The following TLE4 variants were observed in gnomAD, a reference collection of about 807,000 sequenced individuals.
TLE4 encodes TLE family member 4, transcriptional corepressor.
In TLE4, 8 loss-of-function variants were observed where a neutral mutation model predicts 92.8. The observed-to-expected ratio is 0.09, with a 90% confidence interval of 0.05 to 0.16. The LOEUF (loss-of-function observed/expected upper bound fraction) is 0.16, where lower values mean the gene tolerates loss of function less well. Ranked by LOEUF, TLE4 falls within the 10% of genes least tolerant of loss-of-function variation. The pLI, the probability that TLE4 is intolerant of heterozygous loss-of-function variation, is 1.00. For synonymous variants in TLE4, 371 were observed against 374.1 expected (o/e 0.99, Z 0.10); for missense variants, 675 against 997.6 (o/e 0.68, Z 4.36).
At chr9:79,721,385 A>C (rs909433046) in intron 16 of TLE4, among the ~76,000 whole-genome samples, 7 of 152,218 alleles carry the variant, frequency 4.6e-5, no homozygotes, top group African/African-American at 1.7e-4. Flanking sequence ...TCTCTCCCTC[A>C]TACCACAGTA....
At chr9:79,636,548 G>A (rs1247121888) in intron 6 of TLE4, among the ~76,000 whole-genome samples, 1 of 152,112 alleles carries the variant, frequency 6.6e-6, no homozygotes, top group Non-Finnish European at 1.5e-5. Flanking sequence ...CAGCTTCTCT[G>A]TCCTCTGGAT....
In TLE4 at chr9:79,685,690, G is replaced by A. The variant is rs573653325; in HGVS notation, c.610-19093G>A. On this transcript the variant is annotated intron_variant, in intron 8 of 19. Transcript: ENST00000376552. Reference sequence around the variant, plus strand: ...AAAATATCTAAAGATAACTCATTTGGATTGAACAGAAGGTCATATGTCTGA... The same window carrying A: ...AAAATATCTAAAGATAACTCATTTGAATTGAACAGAAGGTCATATGTCTGA... Among the ~76,000 whole-genome samples the A allele has an allele frequency of 7.9e-5, 12 of 152,272 alleles. 2 individuals are homozygous for A. The South Asian group carries it at 2.5e-3, about 32-fold the overall frequency.
At chr9:79,692,754 G>A (rs1398213112) in intron 8 of TLE4, among the ~76,000 whole-genome samples, 1 of 152,106 alleles carries the variant, frequency 6.6e-6, no homozygotes, top group Non-Finnish European at 1.5e-5. Context: ...AGCTTCTCTA[G>A]GCCTATTTTA....
chr9:79,632,649 A>C (rs2133723071), intron 6 of TLE4, among the ~76,000 whole-genome samples: 1 of 152,298 alleles, frequency 6.6e-6, no homozygotes, highest in Non-Finnish European at 1.5e-5. Flanking sequence ...GTTATTTTTT[A>C]AATAAATATT....
intron 6 of TLE4, among the ~76,000 whole-genome samples, chr9:79,640,948 TAG>T (rs1290667553): frequency 6.6e-6 from 1 of 151,944 alleles, no homozygotes; most frequent in Non-Finnish European, 1.5e-5. Context: ...TACTAAGAAA[TAG>T]ATTCACTTGT....
intron 8 of TLE4, among the ~76,000 whole-genome samples, chr9:79,678,318 A>G (rs1172593376): frequency 6.6e-6 from 1 of 152,136 alleles, no homozygotes; most frequent in Non-Finnish European, 1.5e-5. Context: ...ATCTATGTAC[A>G]TTGTATTTGA....
intron 14 of TLE4, among the ~76,000 whole-genome samples, chr9:79,717,844 G>A (rs2074851012): frequency 6.6e-6 from 1 of 152,098 alleles, no homozygotes; most frequent in African/African-American, 2.4e-5. Context: ...CCCCAAGATA[G>A]GCCCAGCTGC....
intron 8 of TLE4, among the ~76,000 whole-genome samples, chr9:79,682,217 C>T (rs905437007): frequency 3.9e-5 from 6 of 152,126 alleles, no homozygotes; most frequent in Middle Eastern, 6.8e-3. Flanking sequence ...CCAGAAAGCT[C>T]TGAAAACTGA....
intron 5 of TLE4, among the ~76,000 whole-genome samples, chr9:79,613,667 T>G (rs1191809135): frequency 6.6e-6 from 1 of 152,202 alleles, no homozygotes. Flanking sequence ...TCAGTTGTTC[T>G]ATAAGTGTGT....
intron 8 of TLE4, among the ~76,000 whole-genome samples, chr9:79,678,650 T>G (rs1007918993): frequency 6.6e-6 from 1 of 151,982 alleles, no homozygotes; most frequent in East Asian, 1.9e-4. Context: ...ACTTTAAGTT[T>G]TAGGGTACAT....
intron 4 of TLE4, among the ~76,000 whole-genome samples, chr9:79,602,240 C>CTCT (rs2045828032): frequency 6.6e-6 from 1 of 152,308 alleles, no homozygotes; most frequent in South Asian, 2.1e-4. Flanking sequence ...AGCAAGTTAT[C>CTCT]TAGAAGATCT....
rs367721925 is a variant in TLE4, at chr9:79,694,351, A to G, written c.610-10432A>G. Among the ~76,000 whole-genome samples, 17 of 152,102 alleles carry G rather than the reference A, an allele frequency of 1.1e-4. 1 individual carries two copies. The East Asian group carries it at 1.4e-3, about 12-fold the overall frequency. On this transcript the variant is annotated intron_variant, in intron 8 of 19. Coordinates refer to ENST00000376552, the MANE Select transcript of TLE4 (RefSeq NM_007005.6). ...ATCATAACTGGACTTACCTTTCAACATTTTAGCACTGGTTAGTGGAGTGCT... is the reference window on the plus strand; with the variant it reads ...ATCATAACTGGACTTACCTTTCAACGTTTTAGCACTGGTTAGTGGAGTGCT...
chr9:79,699,779 A>G (rs2069264506), intron 8 of TLE4, among the ~76,000 whole-genome samples: 1 of 152,222 alleles, frequency 6.6e-6, no homozygotes, highest in Non-Finnish European at 1.5e-5. Context: ...TGTGCATTTG[A>G]AATCAAATTA....
intron 4 of TLE4, among the ~76,000 whole-genome samples, chr9:79,606,953 C>CTGTCCTCCACAA (rs2047155331): frequency 6.6e-6 from 1 of 152,196 alleles, no homozygotes; most frequent in Non-Finnish European, 1.5e-5. Context: ...ACTCGCCACA[C>CTGTCCTCCACAA]TGTCCTCCAC....
intron 4 of TLE4, among the ~76,000 whole-genome samples, chr9:79,606,199 T>G (rs1204383375): frequency 3.3e-5 from 3 of 89,994 alleles, no homozygotes; most frequent in African/African-American, 9.8e-5. Flanking sequence ...TTTTTTTTTT[T>G]TTTTTTTTTT....
At chr9:79,691,450 G>A (rs531568993) in intron 8 of TLE4, among the ~76,000 whole-genome samples, 1 of 152,218 alleles carries the variant, frequency 6.6e-6, no homozygotes, top group East Asian at 1.9e-4. Flanking sequence ...TGTGATTCGA[G>A]CCTCCTCTCT....
rs565086776 is a variant in TLE4 at position 79,670,214 on chromosome 9, A to G, written c.609+16139A>G. Among the ~76,000 whole-genome samples the G allele has an allele frequency of 1.6e-4, 25 of 152,194 alleles. 1 individual carries two copies. In the South Asian group the frequency reaches 4.8e-3, roughly 29 times the overall value. On this transcript the variant is annotated intron_variant, in intron 8 of 19. Transcript: ENST00000376552. ...AATAAGAAAAAAAAAAGAAAGAAAAAAAAACTTGAGAAGACAATAAGGCAA... is the reference window on the plus strand; with the variant it reads ...AATAAGAAAAAAAAAAGAAAGAAAAGAAAACTTGAGAAGACAATAAGGCAA...
At position 79,575,014 on chromosome 9, in the gene TLE4, G is replaced by C. The variant is rs974784268; in HGVS notation, c.207+78G>C. 9 of 1,258,224 alleles carry C rather than the reference G, an allele frequency of 7.2e-6. No individual in the cohort carries two copies. The African/African-American group carries it at 1.0e-4, about 14-fold the overall frequency. 77.9% of individuals were successfully genotyped at this position (1,258,224 alleles called of 1,614,324 possible). A position where few individuals can be genotyped will look rare whatever the true frequency, so the allele number is the denominator to read the frequency against. On this transcript the variant is annotated intron_variant, in intron 3 of 19. Transcript: ENST00000376552. ...AACAAGAATATGTTTAAATTGCTGG[G>C]GGCTGCAAGATAGATCACAGTCACC...
chr9:79,701,747 T>C (rs1030245464), intron 8 of TLE4, among the ~76,000 whole-genome samples: 2 of 152,204 alleles, frequency 1.3e-5, no homozygotes, highest in African/African-American at 4.8e-5. Context: ...AAAAGGAATG[T>C]ATCATAAGAG....
Sources: allele counts gnomAD v4.1 joint callset (sites outside exome capture counted in the v4.1 genomes callset), GRCh38; gene constraint gnomAD v4.1.1; transcripts MANE v1.5; gene names NCBI Gene and HGNC (gene_info 2026-07-23, HGNC 2026-07-21).